PRSS23: variants seen among roughly 807,000 people sequenced by gnomAD.
PRSS23 encodes the protein serine protease 23, also known as protease, serine 23.
A neutral mutation model predicts 34.7 loss-of-function variants in PRSS23; 25 were observed. The observed-to-expected ratio is 0.72, with a 90% CI of 0.53 to 1.01. PRSS23 has a LOEUF of 1.01. Among genes scored for constraint, PRSS23 ranks in the 50% least tolerant of loss-of-function variants. PRSS23 has a pLI of 0.00. For synonymous variants in PRSS23, 176 were observed against 186.6 expected (o/e 0.94, Z 0.46); for missense variants, 445 against 475.6 (o/e 0.94, Z 0.60).
At chr11:86,885,653 T>G (rs1948797832) in intron 2 of PRSS23, among the ~76,000 whole-genome samples, 1 of 152,260 alleles carries the variant, frequency 6.6e-6, no homozygotes, top group African/African-American at 2.4e-5. Flanking sequence ...AGTTCTTCCC[T>G]GTGCCTCCAG....
intron 1 of PRSS23, among the ~76,000 whole-genome samples, chr11:86,804,372 T>A (rs1404780069): frequency 6.6e-6 from 1 of 152,220 alleles, no homozygotes; most frequent in African/African-American, 2.4e-5. Context: ...CTTTTTTAAA[T>A]GCAATTTTAT....
intron 2 of PRSS23, among the ~76,000 whole-genome samples, chr11:86,896,152 A>C (rs943722588): frequency 6.6e-6 from 1 of 152,152 alleles, no homozygotes; most frequent in African/African-American, 2.4e-5. Flanking sequence ...TTTGCACAGG[A>C]AATTTTATTT....
chr11:86,916,670 A>G (rs1293424133), intron 2 of PRSS23, among the ~76,000 whole-genome samples: 1 of 151,856 alleles, frequency 6.6e-6, no homozygotes, highest in East Asian at 1.9e-4. Context: ...TCCCAGTTGG[A>G]CCCACCCAGA....
At chr11:86,812,229 TAATCTAGGAAC>T (rs1280472455), downstream of PRSS23, among the ~76,000 whole-genome samples, 1 of 152,228 alleles carries the variant, frequency 6.6e-6, no homozygotes, top group Non-Finnish European at 1.5e-5. Flanking sequence ...CCATCCTTGC[TAATCTAGGAAC>T]AAAGGTGGGG....
intron 2 of PRSS23, among the ~76,000 whole-genome samples, chr11:86,928,332 A>G (rs1397606842): frequency 1.3e-5 from 2 of 148,420 alleles, no homozygotes; most frequent in African/African-American, 4.9e-5. Context: ...TATGTTTAAT[A>G]TTGCATTACA....
At chr11:86,913,552 G>A (rs1485580927) in intron 2 of PRSS23, among the ~76,000 whole-genome samples, 1 of 151,420 alleles carries the variant, frequency 6.6e-6, no homozygotes, top group East Asian at 1.9e-4. Flanking sequence ...AATGAGACTA[G>A]GGATAGAGAA....
chr11:86,809,540 A>G lies in PRSS23; in HGVS notation c.*745A>G, dbSNP rs959153505. 1 of 167,058 alleles carries G rather than the reference A, an allele frequency of 6.0e-6. No individual in the cohort carries two copies. The highest frequency in any genetic ancestry group is 1.5e-5 in the Non-Finnish European group (1 of 68,124). 10.3% of individuals were successfully genotyped at this position (167,058 alleles called of 1,614,324 possible). ...CTTTAAAGTCATACCAGAGTGGCCA[A>G]GAGTGTTTATCCCAACCCTTCCATT... On this transcript the variant is annotated 3_prime_UTR_variant, in exon 2 of 2. Transcript: ENST00000280258.
At chr11:86,811,724 T>G (rs1188184611), downstream of PRSS23, among the ~76,000 whole-genome samples, 2 of 152,120 alleles carry the variant, frequency 1.3e-5, no homozygotes, top group East Asian at 3.9e-4. Flanking sequence ...GGGAAGTACC[T>G]GGTGATGCCT....
chr11:86,884,368 C>G (rs138432640), intron 2 of PRSS23, among the ~76,000 whole-genome samples: 2,298 of 152,266 alleles, frequency 0.015, 18 homozygotes, highest in Middle Eastern at 0.024. Context: ...GGTGCGATCT[C>G]GGCTCACTGC....
chr11:86,833,090 C>G (rs1279056647), intron 2 of PRSS23: 2 of 601,052 alleles, frequency 3.3e-6, no homozygotes, highest in Non-Finnish European at 6.2e-6. Flanking sequence ...TGGCTACAAA[C>G]CGGTCATAGG....
intron 2 of PRSS23, among the ~76,000 whole-genome samples, chr11:86,825,549 C>G (rs1348619499): frequency 2.0e-5 from 3 of 150,974 alleles, no homozygotes; most frequent in Non-Finnish European, 4.5e-5. Flanking sequence ...ACATGAAGTC[C>G]TTGCCCATGC....
chr11:86,849,255 C>G (rs1465835242), intron 2 of PRSS23, among the ~76,000 whole-genome samples: 4 of 152,192 alleles, frequency 2.6e-5, no homozygotes, highest in Non-Finnish European at 4.4e-5. Context: ...ACCCTGTAAC[C>G]AGGTATTACT....
chr11:86,889,862 T>G (rs371120085), intron 2 of PRSS23, among the ~76,000 whole-genome samples: 1 of 152,218 alleles, frequency 6.6e-6, no homozygotes, highest in Admixed American at 6.5e-5. Flanking sequence ...TAGTTCTGCC[T>G]GTTAGAATCA....
intron 2 of PRSS23, among the ~76,000 whole-genome samples, chr11:86,841,898 C>T (rs753678006): frequency 3.3e-5 from 5 of 152,110 alleles, no homozygotes; most frequent in Non-Finnish European, 5.9e-5. Flanking sequence ...TTCCAATCAA[C>T]AGAAAAAGAG....
intron 1 of PRSS23, chr11:86,821,489 T>A: frequency 6.2e-7 from 1 of 1,610,774 alleles, no homozygotes; most frequent in Admixed American, 1.7e-5. Flanking sequence ...CAGAGCTTTA[T>A]GAGCTGCACA....
chr11:86,851,794 C>A (rs187422388), intron 2 of PRSS23, among the ~76,000 whole-genome samples: 2 of 152,190 alleles, frequency 1.3e-5, no homozygotes, highest in Non-Finnish European at 2.9e-5. Flanking sequence ...TATCTGCCAT[C>A]TTCCTTTTTA....
At chr11:86,837,822 T>C (rs1197289277) in intron 2 of PRSS23, among the ~76,000 whole-genome samples, 1 of 152,192 alleles carries the variant, frequency 6.6e-6, no homozygotes, top group East Asian at 1.9e-4. Flanking sequence ...GCTTTTAAGA[T>C]GGCCAAATAG....
chr11:86,816,763 T>C (rs551372217), intron 1 of PRSS23, among the ~76,000 whole-genome samples: 1 of 152,360 alleles, frequency 6.6e-6, no homozygotes, highest in African/African-American at 2.4e-5. Context: ...CTTTCTACTT[T>C]CACAGAAAAG....
intron 2 of PRSS23, among the ~76,000 whole-genome samples, chr11:86,879,194 C>T (rs1473470830): frequency 4.0e-5 from 6 of 150,270 alleles, no homozygotes; most frequent in Non-Finnish European, 8.9e-5. Context: ...CTCTGCCCGG[C>T]GGCCCATCAT....
Sources: gnomAD v4.1 joint callset for allele counts (sites outside exome capture counted in the v4.1 genomes callset) on GRCh38, gnomAD v4.1.1 for gene constraint, MANE v1.5 for transcripts, NCBI Gene and HGNC (gene_info 2026-07-23, HGNC 2026-07-21) for gene names.